The following BRWD1 variants were observed in gnomAD, a reference collection of about 807,000 sequenced individuals.
BRWD1 encodes the protein bromodomain and WD repeat-containing protein 1.
In BRWD1, 82 loss-of-function variants were observed where a neutral mutation model predicts 251.2. The observed-to-expected ratio is 0.33, with a 90% CI of 0.27 to 0.39. BRWD1 has a LOEUF of 0.39. Among genes scored for constraint, BRWD1 ranks in the 10% least tolerant of loss-of-function variants. BRWD1 has a pLI of 1.00. For missense variants in BRWD1, 2,233 were observed against 2,711.6 expected (o/e 0.82, Z 3.92); for synonymous variants, 918 against 902.8 (o/e 1.02, Z -0.30).
chr21:39,256,778 T>C (rs185266836), intron 18 of BRWD1, among the ~76,000 whole-genome samples: 1 of 152,336 alleles, frequency 6.6e-6, no homozygotes, highest in East Asian at 1.9e-4. Context: ...ATATTGATTC[T>C]TGTGGGAGGC....
intron 4 of BRWD1, among the ~76,000 whole-genome samples, chr21:39,304,141 CAAAAAAAAAAAA>C (rs56990201): frequency 4.2e-5 from 5 of 118,390 alleles, no homozygotes; most frequent in Admixed American, 9.0e-5. Flanking sequence ...AACTCTTTCT[CAAAAAAAAAAAA>C]AAAAAAAAAG....
At chr21:39,211,034 A>AT (rs2032633785) in intron 34 of BRWD1, 105 bp from the exon 35 acceptor site, 2 of 1,171,126 alleles carry the variant, frequency 1.7e-6, no homozygotes, top group Non-Finnish European at 2.3e-6. Flanking sequence ...ATAATGTCAT[A>AT]TATGTTGCTC....
intron 8 of BRWD1, among the ~76,000 whole-genome samples, chr21:39,293,404 A>G (rs1231427050): frequency 6.6e-6 from 1 of 151,896 alleles, no homozygotes; most frequent in African/African-American, 2.4e-5. Context: ...GAGGCACAAG[A>G]ATCGCTTGAA....
chr21:39,279,639 A>G (rs1366177873), intron 9 of BRWD1, among the ~76,000 whole-genome samples: 1 of 74,426 alleles, frequency 1.3e-5, no homozygotes. Flanking sequence ...ACTCCATCTC[A>G]AAAAAAAAAA....
In BRWD1 at chr21:39,188,636, G is replaced by C. The variant is rs2031380420; in HGVS notation, c.*7623C>G. 3 of 985,388 alleles carry C rather than the reference G, an allele frequency of 3.0e-6. No individual in the cohort carries two copies. The highest frequency in any genetic ancestry group is 3.6e-6 in the Non-Finnish European group (3 of 829,920). The allele number at this position is 985,388 out of a possible 1,614,324, so 61.0% of individuals were successfully genotyped here. A position where few individuals can be genotyped will look rare whatever the true frequency, so the allele number is the denominator to read the frequency against. ...GTGGACTGACATGTTCATACAGCTA[G>C]ACTAATGAGGCAGGCCTCTGCCCTC... is the stretch of plus-strand genomic sequence containing the variant. On this transcript the variant is annotated 3_prime_UTR_variant, in exon 41 of 41. Transcript: ENST00000342449.
Position 39,189,996 on chromosome 21 carries a change from A to G in BRWD1, c.*6263T>C. Reference sequence around the variant, plus strand: ...GTGCTTGAGGACTTGTTTTCCTGGAAGTGATTCCCTACTTGGGTATGGCAA... The same window carrying G: ...GTGCTTGAGGACTTGTTTTCCTGGAGGTGATTCCCTACTTGGGTATGGCAA... On this transcript the variant is annotated 3_prime_UTR_variant, in exon 41 of 41. Transcript: ENST00000342449. 1.0e-6 allele frequency: 1 copy of G among 985,390 alleles called. No individual in the cohort carries two copies. Among genetic ancestry groups the G allele is most frequent in the African/African-American group, 1.7e-5 (1 of 57,350 alleles). The allele number at this position is 985,390 out of a possible 1,614,324, so 61.0% of individuals were successfully genotyped here. A position where few individuals can be genotyped will look rare whatever the true frequency, so the allele number is the denominator to read the frequency against.
At chr21:39,224,383 T>G (rs1192815735) in intron 29 of BRWD1, 25 bp downstream of exon 29, 2 of 1,426,762 alleles carry the variant, frequency 1.4e-6, no homozygotes, top group African/African-American at 2.9e-5. Flanking sequence ...ATAAAATGTT[T>G]TCATTATTTA....
intron 4 of BRWD1, among the ~76,000 whole-genome samples, chr21:39,302,742 G>A (rs1197380116): frequency 1.6e-5 from 2 of 125,826 alleles, no homozygotes; most frequent in Admixed American, 1.8e-4. Flanking sequence ...GTGACAGAGT[G>A]AGACTCCGTC....
chr21:39,313,269 G>A lies in BRWD1; in HGVS notation c.80C>T (p.Ser27Leu), dbSNP rs1329492664. Residue 27 changes from serine (S) to leucine (L), a missense_variant, in exon 2 of 41, where the codon TCG (serine) becomes TTG (leucine). Coordinates refer to ENST00000342449, the MANE Select transcript of BRWD1 (RefSeq NM_033656.4). ...ELYFLIARYL[S>L]AGPCRRAAQV... ...GGCCGCTCTCCGACACGGGCCCGCC[G>A]ATAGGTACCGGGCGATAAGGAAGTA... 5.1e-6 allele frequency: 8 copies of A among 1,562,548 alleles called. No individual in the cohort carries two copies. Among genetic ancestry groups the A allele is most frequent in the Non-Finnish European group, 7.0e-6 (8 of 1,150,134 alleles).
At position 39,295,911 on chromosome 21, in the gene BRWD1, A is replaced by G. The variant is rs1276688576; in HGVS notation, c.449-8T>C. The G allele has an allele frequency of 6.4e-7, 1 of 1,570,788 alleles. No homozygotes were observed. Among genetic ancestry groups the G allele is most frequent in the South Asian group, 1.2e-5 (1 of 83,708 alleles). On this transcript the variant is annotated splice_region_variant and splice_polypyrimidine_tract_variant and intron_variant, in intron 6 of 40. Transcript: ENST00000342449. ...TTCCTCGATGTATCTCCACTAGGAA[A>G]TAAAAACAATGAAAATGGTTAAGGG...
rs538103085 is a variant in BRWD1, at chr21:39,193,207, T to A, written c.*3052A>T. The A allele has an allele frequency of 3.2e-4, 312 of 985,038 alleles. No homozygotes were observed. The highest frequency in any genetic ancestry group is 3.5e-4 in the Non-Finnish European group (294 of 829,750). The allele number at this position is 985,038 out of a possible 1,614,324, so 61.0% of individuals were successfully genotyped here. A position where few individuals can be genotyped will look rare whatever the true frequency, so the allele number is the denominator to read the frequency against. On this transcript the variant is annotated 3_prime_UTR_variant, in exon 41 of 41. Transcript: ENST00000342449. ...ATTTCCTCTTTAGGTGCAGCTCTAC[T>A]ATTTGAAAGGAACCTTTCTGTTGTA...
intron 4 of BRWD1, among the ~76,000 whole-genome samples, chr21:39,308,242 G>A (rs953283106): frequency 5.3e-5 from 8 of 152,104 alleles, no homozygotes; most frequent in African/African-American, 1.9e-4. Context: ...AGCACTTTGG[G>A]AGGCCAATGC....
At chr21:39,215,501 T>G in intron 31 of BRWD1, 139 bp from the exon 32 acceptor site, 1 of 706,068 alleles carries the variant, frequency 1.4e-6, no homozygotes, top group Non-Finnish European at 2.3e-6. Flanking sequence ...AACCTTCTAA[T>G]GCTCTCAACT....
chr21:39,219,703 G>A (rs187768999), intron 29 of BRWD1: 1 of 152,264 alleles, frequency 6.6e-6, no homozygotes, highest in East Asian at 1.9e-4. Context: ...GCATTCTTTG[G>A]GAATGCTCTT....
In BRWD1 at chr21:39,313,620, GTGCGCGCCGCCT is replaced by G; in HGVS notation, c.-141_-130del. The G allele has an allele frequency of 4.3e-6, 3 of 703,728 alleles. No homozygotes were observed. The highest frequency in any genetic ancestry group is 5.9e-6 in the Non-Finnish European group (3 of 510,920). 43.6% of individuals were successfully genotyped at this position (703,728 alleles called of 1,614,324 possible). On this transcript the variant is annotated 5_prime_UTR_variant, in exon 1 of 41. Coordinates refer to ENST00000342449, the MANE Select transcript of BRWD1 (RefSeq NM_033656.4). The stretch of plus-strand genomic sequence containing the variant: ...CCGCCGCCGCCGCCGCCGCCATACC[GTGCGCGCCGCCT>G]GGACCGACGCCTCCGCGGGGGAGGA...
intron 4 of BRWD1, among the ~76,000 whole-genome samples, chr21:39,302,005 G>A: frequency 2.0e-5 from 1 of 50,776 alleles, no homozygotes; most frequent in Non-Finnish European, 3.7e-5. Flanking sequence ...TTTTTTTTGA[G>A]ACAGTCTTGC....
At chr21:39,312,929 A>T (rs1423388941) in intron 3 of BRWD1, 29 bp from the exon 4 acceptor site, 1 of 954,088 alleles carries the variant, frequency 1.0e-6, no homozygotes. Flanking sequence ...CACACGAGTG[A>T]CCACCCCTCC....
intron 29 of BRWD1, among the ~76,000 whole-genome samples, chr21:39,220,896 G>A (rs184401653): frequency 7.2e-5 from 11 of 152,210 alleles, no homozygotes; most frequent in Admixed American, 6.5e-4. Context: ...GGTGGCTCAT[G>A]CCTGTAATCC....
chr21:39,212,731 T>G (rs751740625), intron 33 of BRWD1, 24 bp from the exon 34 acceptor site: 38 of 1,510,188 alleles, frequency 2.5e-5, no homozygotes, highest in Non-Finnish European at 3.3e-5. Context: ...CAGAGCACCT[T>G]AAGTATTTAG....
Sources: gnomAD v4.1 joint callset for allele counts (sites outside exome capture counted in the v4.1 genomes callset) on GRCh38, gnomAD v4.1.1 for gene constraint, MANE v1.5 for transcripts, NCBI Gene and HGNC (gene_info 2026-07-23, HGNC 2026-07-21) for gene names.